The following TAC3 variants were observed in gnomAD, a reference collection of about 807,000 sequenced individuals.
TAC3 encodes the protein tachykinin precursor 3, also known as tachykinin-3.
A neutral mutation model predicts 16.5 loss-of-function variants in TAC3; 9 were observed. That is an observed-to-expected ratio of 0.55 (90% confidence interval 0.33 to 0.95). The LOEUF (loss-of-function observed/expected upper bound fraction) is 0.95. Ranked by LOEUF, TAC3 falls within the 40% of genes least tolerant of loss-of-function variation. The pLI is 0.03. For synonymous variants in TAC3, 52 were observed against 56.7 expected (o/e 0.92, Z 0.37); for missense variants, 129 against 149.1 (o/e 0.87, Z 0.70).
chr12:57,010,869 T>A (rs1956288990), intron 6 of TAC3: 1 of 152,180 alleles, frequency 6.6e-6, no homozygotes, highest in Non-Finnish European at 1.5e-5. Context: ...ATGGTAAGAT[T>A]ATGAAAGCTG....
intron 6 of TAC3, among the ~76,000 whole-genome samples, chr12:57,011,341 C>T (rs2136416493): frequency 6.6e-6 from 1 of 152,318 alleles, no homozygotes; most frequent in East Asian, 1.9e-4. Flanking sequence ...GATTACGAGC[C>T]TTCCCAATCT....
At chr12:57,014,078 C>T (rs1010899529) in intron 2 of TAC3, among the ~76,000 whole-genome samples, 4 of 152,154 alleles carry the variant, frequency 2.6e-5, no homozygotes, top group African/African-American at 7.2e-5. Context: ...CATGGCTTTC[C>T]GCCTCTAGTT....
In TAC3 at chr12:57,015,753, T is replaced by C. The variant is rs1482262980; in HGVS notation, c.45A>G (p.Leu15=). Residue 15 remains leucine (L), a synonymous_variant, in exon 2 of 7, where the codon CTA becomes CTG. Coordinates refer to ENST00000458521, the MANE Select transcript of TAC3 (RefSeq NM_013251.4). ...TACAGACAGCCCCAAAGCTCTGAGC[T>C]AGGCTGAAGGCCAGGATGGCTGTGA... ...LLFTAILAFS[L]AQSFGAVCKE... 12 of 1,614,016 alleles carry C rather than the reference T, an allele frequency of 7.4e-6. No individual in the cohort carries two copies. The highest frequency in any genetic ancestry group is 1.3e-5 in the African/African-American group (1 of 74,938).
chr12:57,015,633 A>G (rs1246781327), intron 2 of TAC3, 51 bp downstream of exon 2: 2 of 1,525,926 alleles, frequency 1.3e-6, no homozygotes, highest in East Asian at 4.6e-5. Flanking sequence ...CCAGACAGGC[A>G]GAGTCCCAAG....
At position 57,016,481 on chromosome 12, in the gene TAC3, C is replaced by T. The variant is rs780796659; in HGVS notation, c.-100G>A. Reference sequence around the variant, plus strand: ...TGCTCCCCTCACACACTGGTGCTGCCGGTGCTCCTGCAAAGAGAGAAACCG... The same window carrying T: ...TGCTCCCCTCACACACTGGTGCTGCTGGTGCTCCTGCAAAGAGAGAAACCG... On this transcript the variant is annotated 5_prime_UTR_variant, in exon 1 of 7. Transcript: ENST00000458521. The T allele has an allele frequency of 5.9e-5, 27 of 454,366 alleles. No individual in the cohort carries two copies. Among genetic ancestry groups the T allele is most frequent in the South Asian group, 2.8e-4 (18 of 64,468 alleles). The allele number at this position is 454,366 out of a possible 1,614,324, so 28.1% of individuals were successfully genotyped here.
In TAC3 at chr12:57,015,691, C is replaced by T. The variant is rs753102684; in HGVS notation, c.107G>A (p.Arg36His). 2.2e-5 allele frequency: 35 copies of T among 1,613,412 alleles called. No individual in the cohort carries two copies. The South Asian group carries it at 2.3e-4, about 11-fold the overall frequency. Residue 36 changes from arginine (R) to histidine (H), a missense_variant, in exon 2 of 7, where the codon CGC becomes CAC. Transcript: ENST00000458521. ...PQEEVVPGGGRSKRDPDLYQL... is the reference protein window; with the variant it reads ...PQEEVVPGGGHSKRDPDLYQL... Reference sequence around the variant, plus strand: ...CTGCCAGGGGAGACTTACCTTGCTGCGGCCCCCGCCAGGAACCACCTCCTC... The same window carrying T: ...CTGCCAGGGGAGACTTACCTTGCTGTGGCCCCCGCCAGGAACCACCTCCTC...
rs939016030 is a variant in TAC3 at position 57,010,289 on chromosome 12, C to G, written c.*2-1G>C. The G allele has an allele frequency of 4.8e-6, 2 of 418,480 alleles. No homozygotes were observed. Among genetic ancestry groups the G allele is most frequent in the African/African-American group, 4.2e-5 (2 of 48,188 alleles). The allele number at this position is 418,480 out of a possible 1,614,324, so 25.9% of individuals were successfully genotyped here. On this transcript the variant is annotated splice_acceptor_variant, in intron 6 of 6. Coordinates refer to ENST00000458521, the MANE Select transcript of TAC3 (RefSeq NM_013251.4). LOFTEE classifies it low-confidence loss of function (3UTR_SPLICE). ...AGTCCAGGAGTCCGGAAGTGGAGTA[C>G]TGAGGACAAAAAACAAAACAAAACA...
At chr12:57,016,298 A>G in intron 1 of TAC3, 89 bp downstream of exon 1, 1 of 365,612 alleles carries the variant, frequency 2.7e-6, no homozygotes, top group Admixed American at 3.3e-5. Flanking sequence ...CCCCTATCAG[A>G]GGCTGCCATC....
chr12:57,013,022 C>A, intron 4 of TAC3, 147 bp from the exon 5 acceptor site: 3 of 977,602 alleles, frequency 3.1e-6, no homozygotes, highest in Non-Finnish European at 3.2e-6. Flanking sequence ...GCAAGTGCCT[C>A]CCCTAAACCC....
chr12:57,016,184 A>G (rs980723413), intron 1 of TAC3, among the ~76,000 whole-genome samples: 1 of 152,170 alleles, frequency 6.6e-6, no homozygotes, highest in African/African-American at 2.4e-5. Flanking sequence ...GACTTAGGCA[A>G]AAACTTTCTG....
chr12:57,013,223 G>T, intron 4 of TAC3, 136 bp downstream of exon 4: 2 of 1,154,934 alleles, frequency 1.7e-6, no homozygotes, highest in Non-Finnish European at 1.3e-6. Flanking sequence ...TTTCAGGAAA[G>T]GTTGGCTGAG....
At chr12:57,015,195 T>A (rs1170487675) in intron 2 of TAC3, among the ~76,000 whole-genome samples, 1 of 152,072 alleles carries the variant, frequency 6.6e-6, no homozygotes, top group African/African-American at 2.4e-5. Flanking sequence ...TGGGGGTGGA[T>A]GAGCAAAAGA....
intron 2 of TAC3, among the ~76,000 whole-genome samples, chr12:57,015,381 C>G (rs1263984734): frequency 6.6e-6 from 1 of 152,046 alleles, no homozygotes; most frequent in African/African-American, 2.4e-5. Flanking sequence ...CTTAGACCAC[C>G]CTAGCTCACC....
chr12:57,013,721 A>T, intron 2 of TAC3, 50 bp from the exon 3 acceptor site: 1 of 1,446,066 alleles, frequency 6.9e-7, no homozygotes, highest in South Asian at 1.2e-5. Context: ...ACCCGGATCC[A>T]CTCATCCTTT....
intron 4 of TAC3, 25 bp downstream of exon 4, chr12:57,013,334 T>C (rs376160659): frequency 1.2e-6 from 2 of 1,613,478 alleles, no homozygotes; most frequent in African/African-American, 2.7e-5. Context: ...TGGCAAGAGA[T>C]AGGGAGGGAG....
chr12:57,010,110 G>C lies in TAC3; in HGVS notation c.*180C>G, dbSNP rs752244007. 11 of 453,922 alleles carry C rather than the reference G, an allele frequency of 2.4e-5. No homozygotes were observed. The highest frequency in any genetic ancestry group is 1.7e-4 in the South Asian group (11 of 64,480). The allele number at this position is 453,922 out of a possible 1,614,324, so 28.1% of individuals were successfully genotyped here. A position where few individuals can be genotyped will look rare whatever the true frequency, so the allele number is the denominator to read the frequency against. On this transcript the variant is annotated 3_prime_UTR_variant, in exon 7 of 7. Transcript: ENST00000458521. ...TCTACAGTCAATGCCCATTGGGGTT[G>C]GGGATATTCACTATGCAGTTTCCAC...
At chr12:57,013,439 T>C (rs1224514814) in intron 3 of TAC3, 51 bp from the exon 4 acceptor site, 1 of 1,611,250 alleles carries the variant, frequency 6.2e-7, no homozygotes, top group African/African-American at 1.3e-5. Context: ...TGGAAAGTGA[T>C]GAGAGCGGGG....
intron 4 of TAC3, 78 bp downstream of exon 4, chr12:57,013,280 CA>C: frequency 6.4e-7 from 1 of 1,552,414 alleles, no homozygotes; most frequent in Non-Finnish European, 8.9e-7. Context: ...AGGGGCTGGA[CA>C]AAATGGCCCC....
At chr12:57,011,396 C>T (rs1418388326) in intron 6 of TAC3, among the ~76,000 whole-genome samples, 1 of 152,170 alleles carries the variant, frequency 6.6e-6, no homozygotes, top group Non-Finnish European at 1.5e-5. Flanking sequence ...TCTTTGGAAG[C>T]TAGTGAAAAG....
Sources: gnomAD v4.1 joint callset for allele counts (sites outside exome capture counted in the v4.1 genomes callset) on GRCh38, gnomAD v4.1.1 for gene constraint, MANE v1.5 for transcripts, NCBI Gene and HGNC (gene_info 2026-07-23, HGNC 2026-07-21) for gene names.